Variants in FNIP2 observed in about 807,000 individuals in gnomAD.
FNIP2 encodes the protein folliculin-interacting protein 2.
In FNIP2, 32 loss-of-function variants were observed where a neutral mutation model predicts 108.7. The observed-to-expected ratio is 0.29, with a 90% CI of 0.22 to 0.40. The LOEUF is 0.40. Ranked by LOEUF, FNIP2 falls within the 10% of genes least tolerant of loss-of-function variation. The pLI is 1.00. For synonymous variants in FNIP2, 480 were observed against 496.7 expected, an observed-to-expected ratio of 0.97 and a Z score of 0.45; for missense variants, 1,202 against 1,381.6, an observed-to-expected ratio of 0.87 and a Z score of 2.06.
chr4:158,874,249 G>T (rs1781126521), intron 14 of FNIP2, among the ~76,000 whole-genome samples: 1 of 152,180 alleles, frequency 6.6e-6, no homozygotes, highest in Non-Finnish European at 1.5e-5. Flanking sequence ...CCCCTTAGTG[G>T]CTTTGTGGCC....
At chr4:158,866,451 CAA>C (rs1227188110) in intron 12 of FNIP2, among the ~76,000 whole-genome samples, 3 of 151,052 alleles carry the variant, frequency 2.0e-5, no homozygotes, top group Non-Finnish European at 4.4e-5. Flanking sequence ...CTCCTGACCT[CAA>C]GTGATCCGCC....
chr4:158,879,791 C>G (rs1359061135), intron 14 of FNIP2, among the ~76,000 whole-genome samples: 1 of 150,310 alleles, frequency 6.7e-6, no homozygotes, highest in Non-Finnish European at 1.5e-5. Flanking sequence ...AGGATATGAA[C>G]AGACACTTCA....
At chr4:158,853,619 A>G (rs887868748) in intron 8 of FNIP2, among the ~76,000 whole-genome samples, 1 of 152,200 alleles carries the variant, frequency 6.6e-6, no homozygotes, top group Non-Finnish European at 1.5e-5. Flanking sequence ...GAGTGAGAAC[A>G]TGCGGTGTTT....
chr4:158,859,153 C>T lies in FNIP2; in HGVS notation c.954C>T (p.Ser318=), dbSNP rs556675960. The change falls in exon 9 of 17, where the codon TCC becomes TCT. Residue 318 remains serine (S), a synonymous_variant. Coordinates refer to ENST00000264433, the MANE Select transcript of FNIP2 (RefSeq NM_020840.3). ...RKKIAISIIF[S]LCEKEEAQRN... ...AAATTGCCATAAGCATCATCTTTTCCCTATGTGAGAAAGAAGAAGCACAAA... is the reference window on the plus strand; with the variant it reads ...AAATTGCCATAAGCATCATCTTTTCTCTATGTGAGAAAGAAGAAGCACAAA... The T allele has an allele frequency of 1.7e-4, 271 of 1,613,944 alleles. 3 individuals are homozygous for T. In the South Asian group the frequency reaches 2.9e-3, roughly 17 times the overall value.
In FNIP2 at chr4:158,906,885, T is replaced by C. The variant is rs1729888038; in HGVS notation, c.*2341T>C. On this transcript the variant is annotated 3_prime_UTR_variant, in exon 17 of 17. Coordinates refer to ENST00000264433, the MANE Select transcript of FNIP2 (RefSeq NM_020840.3). The stretch of plus-strand genomic sequence containing the variant: ...ACCACCCAGTGGCTTCATTCTGGCT[T>C]AGCCGCAGAGGCAAGAAAGGGACCC... 1 of 152,192 alleles carries C rather than the reference T, an allele frequency of 6.6e-6. No homozygotes were observed. The highest frequency in any genetic ancestry group is 1.5e-5 in the Non-Finnish European group (1 of 68,020). 9.4% of individuals were successfully genotyped at this position (152,192 alleles called of 1,614,324 possible).
At chr4:158,864,436 A>T (rs988867494) in intron 12 of FNIP2, among the ~76,000 whole-genome samples, 1 of 152,256 alleles carries the variant, frequency 6.6e-6, no homozygotes, top group African/African-American at 2.4e-5. Context: ...TGTGTAGGGT[A>T]TAAGGAGACA....
At chr4:158,882,234 G>T (rs1405467159) in intron 14 of FNIP2, among the ~76,000 whole-genome samples, 1 of 148,204 alleles carries the variant, frequency 6.7e-6, no homozygotes, top group African/African-American at 2.5e-5. Context: ...CCCGGCAGCC[G>T]CCCCGTCTGA....
At chr4:158,834,189 T>C (rs1778645807) in intron 6 of FNIP2, 1 of 169,076 alleles carries the variant, frequency 5.9e-6, no homozygotes, top group African/African-American at 2.4e-5. Context: ...TACTATGAAC[T>C]GTTTCCCTTT....
At position 158,905,731 on chromosome 4, in the gene FNIP2, A is replaced by G. The variant is rs1729781843; in HGVS notation, c.*1187A>G. The G allele has an allele frequency of 6.6e-6, 1 of 151,626 alleles. No homozygotes were observed. The highest frequency in any genetic ancestry group is 6.6e-5 in the Admixed American group (1 of 15,232). 9.4% of individuals were successfully genotyped at this position (151,626 alleles called of 1,614,324 possible). ...AAAAACAACCTAATTTTCTGTTAAT[A>G]TAAAAGAAACTTCAGTTTACTGACC... On this transcript the variant is annotated 3_prime_UTR_variant, in exon 17 of 17. Coordinates refer to ENST00000264433, the MANE Select transcript of FNIP2 (RefSeq NM_020840.3).
In FNIP2 at chr4:158,885,037, T is replaced by G. The variant is rs35757641; in HGVS notation, c.2950-6409T>G. On this transcript the variant is annotated intron_variant, in intron 14 of 16. Coordinates refer to ENST00000264433, the MANE Select transcript of FNIP2 (RefSeq NM_020840.3). ...TGGGCATGGTGGTGTGTGCCTGTAG[T>G]CCCAGCTACTCGGGAGGCTGAGGCA... 1.3e-3 allele frequency among the ~76,000 whole-genome samples: 199 copies of G among 151,012 alleles called. 1 individual carries two copies. The Middle Eastern group carries it at 0.032, about 24-fold the overall frequency.
chr4:158,903,515 A>G (rs1579019650), intron 16 of FNIP2, among the ~76,000 whole-genome samples: 1 of 152,252 alleles, frequency 6.6e-6, no homozygotes. Context: ...GTGTGCATCA[A>G]CACGTGTAAT....
intron 1 of FNIP2, among the ~76,000 whole-genome samples, chr4:158,785,916 A>T (rs1458201078): frequency 6.6e-6 from 1 of 152,186 alleles, no homozygotes; most frequent in Admixed American, 6.5e-5. Flanking sequence ...GGCTCCTCCC[A>T]GCTGACGTCT....
rs753947916 is a variant in FNIP2, at chr4:158,835,463, C to T, written c.714C>T (p.Gly238=). ...SRGQNEDRDS[G]IARSASLSSL... ...GACAGAATGAAGACAGGGACAGTGG[C>T]ATTGCTCGATCAGGTACTTGTACTC... The change falls in exon 7 of 17, where the codon GGC becomes GGT. Residue 238 remains glycine, a synonymous_variant. Transcript: ENST00000264433. 1 of 1,612,058 alleles carries T rather than the reference C, an allele frequency of 6.2e-7. No individual in the cohort carries two copies.
At chr4:158,824,018 G>A (rs1369021014) in intron 1 of FNIP2, among the ~76,000 whole-genome samples, 1 of 152,190 alleles carries the variant, frequency 6.6e-6, no homozygotes. Context: ...ATGTTTTGCC[G>A]TAGGGATTTA....
At chr4:158,879,752 A>G (rs1453255401) in intron 14 of FNIP2, among the ~76,000 whole-genome samples, 6 of 150,566 alleles carry the variant, frequency 4.0e-5, no homozygotes, top group African/African-American at 9.9e-5. Context: ...ACAAGAAAAA[A>G]GCTAACAACC....
Position 158,891,518 on chromosome 4 carries a change from G to A in FNIP2, c.3022G>A (p.Val1008Ile). The stretch of plus-strand genomic sequence containing the variant: ...AGACACGGATAAATGGAGTGTGCAG[G>A]TAGCTACAAGTCAGAGGAAAGTGAC... ...IADTDKWSVQ[V>I]ATSQRKVTDN... The change falls in exon 15 of 17, where the codon GTA becomes ATA. Residue 1008 changes from valine (V) to isoleucine (I), a missense_variant. Physicochemically the swap from Val to Ile is conservative, Grantham distance 29. Transcript: ENST00000264433. 1 of 1,610,352 alleles carries A rather than the reference G, an allele frequency of 6.2e-7. No individual in the cohort carries two copies. The highest frequency in any genetic ancestry group is 1.1e-5 in the South Asian group (1 of 90,184).
intron 14 of FNIP2, among the ~76,000 whole-genome samples, chr4:158,887,949 G>T (rs1782105743): frequency 6.6e-6 from 1 of 152,114 alleles, no homozygotes; most frequent in Non-Finnish European, 1.5e-5. Flanking sequence ...TTGGAAAGAT[G>T]ATCAGAAATC....
intron 1 of FNIP2, among the ~76,000 whole-genome samples, chr4:158,813,210 TAAC>T (rs752609499): frequency 5.9e-5 from 9 of 152,188 alleles, no homozygotes; most frequent in Admixed American, 1.3e-4. Context: ...TTTGGATAAA[TAAC>T]AACAAGTCCC....
rs770374746 is a variant in FNIP2 at position 158,852,908 on chromosome 4, G to A, written c.857+1458G>A. Among the ~76,000 whole-genome samples, 7 of 152,248 alleles carry A rather than the reference G, an allele frequency of 4.6e-5. No individual in the cohort carries two copies. The South Asian group carries it at 1.5e-3, about 32-fold the overall frequency. On this transcript the variant is annotated intron_variant, in intron 8 of 16. Transcript: ENST00000264433. Reference sequence around the variant, plus strand: ...AAATAAGTATCTTACATTCAGAAAGGTTGTGAATATGGTCAAGGCTGGCTA... The same window carrying A: ...AAATAAGTATCTTACATTCAGAAAGATTGTGAATATGGTCAAGGCTGGCTA...
Sources: gnomAD v4.1 joint callset for allele counts (sites outside exome capture counted in the v4.1 genomes callset) on GRCh38, gnomAD v4.1.1 for gene constraint, MANE v1.5 for transcripts, NCBI Gene and HGNC (gene_info 2026-07-23, HGNC 2026-07-21) for gene names.